Variants in TTC29 observed in about 807,000 individuals in gnomAD.
The protein encoded by TTC29 is tetratricopeptide repeat domain 29.
A neutral mutation model predicts 58.1 loss-of-function variants in TTC29; 49 were observed. That is an observed-to-expected ratio of 0.84 (90% CI 0.67 to 1.07). The LOEUF (loss-of-function observed/expected upper bound fraction) is 1.07, where lower values mean the gene tolerates loss of function less well. TTC29 is among the 50% of genes least tolerant of loss of function. TTC29 has a pLI of 0.00. For missense variants in TTC29, 582 were observed against 555.6 expected (o/e 1.05, Z -0.48); for synonymous variants, 209 against 196.8 (o/e 1.06, Z -0.52).
intron 11 of TTC29, among the ~76,000 whole-genome samples, chr4:146,798,818 C>T (rs1038353436): frequency 3.1e-5 from 4 of 129,742 alleles, no homozygotes; most frequent in South Asian, 2.6e-4. Flanking sequence ...ACCTGGGAGA[C>T]GGAGCTTGTA....
At chr4:146,799,324 A>C (rs1750047495) in intron 11 of TTC29, among the ~76,000 whole-genome samples, 1 of 152,258 alleles carries the variant, frequency 6.6e-6, no homozygotes, top group African/African-American at 2.4e-5. Context: ...AATAACCAAC[A>C]GAAGTAGCTG....
chr4:146,723,581 A>G (rs1743544163), intron 11 of TTC29, among the ~76,000 whole-genome samples: 1 of 152,226 alleles, frequency 6.6e-6, no homozygotes, highest in Non-Finnish European at 1.5e-5. Flanking sequence ...ACATGAACAG[A>G]CACTTCTCAA....
chr4:146,795,991 T>C (rs186259192), intron 11 of TTC29, among the ~76,000 whole-genome samples: 37 of 152,326 alleles, frequency 2.4e-4, no homozygotes, highest in Admixed American at 1.2e-3. Context: ...CAACTCTTCC[T>C]TTCTACTGAT....
At chr4:146,792,885 C>T (rs1356669000) in intron 11 of TTC29, among the ~76,000 whole-genome samples, 23 of 152,076 alleles carry the variant, frequency 1.5e-4, no homozygotes, top group Non-Finnish European at 2.9e-5. Context: ...TTGATTGCAG[C>T]GCTCATGGAT....
At chr4:146,805,889 C>T (rs1750576250) in intron 10 of TTC29, among the ~76,000 whole-genome samples, 1 of 151,730 alleles carries the variant, frequency 6.6e-6, no homozygotes. Context: ...ACAGAGAACA[C>T]CACAAAACTC....
intron 11 of TTC29, among the ~76,000 whole-genome samples, chr4:146,717,241 A>G (rs1223384564): frequency 3.3e-5 from 5 of 152,150 alleles, no homozygotes; most frequent in Non-Finnish European, 5.9e-5. Flanking sequence ...ATATTTTGTA[A>G]TAGGGAATAT....
intron 4 of TTC29, among the ~76,000 whole-genome samples, chr4:146,928,942 C>A (rs533048750): frequency 6.6e-6 from 1 of 152,090 alleles, no homozygotes; most frequent in South Asian, 2.1e-4. Flanking sequence ...TTATTCTGAC[C>A]AAATAACTTT....
chr4:146,712,005 CAATA>C (rs541582442), intron 11 of TTC29, among the ~76,000 whole-genome samples: 9 of 151,738 alleles, frequency 5.9e-5, no homozygotes, highest in South Asian at 2.1e-4. Flanking sequence ...AAATCCCTTC[CAATA>C]AATAAATAAA....
chr4:146,863,226 TTGCAGTTTGCAAAAATA>T (rs1351596427), intron 8 of TTC29, among the ~76,000 whole-genome samples: 1 of 152,210 alleles, frequency 6.6e-6, no homozygotes, highest in Admixed American at 6.5e-5. Flanking sequence ...TCCCAGGATT[TTGCAGTTTGCAAAAATA>T]TGCAGTTTGC....
chr4:146,791,616 A>G (rs942571014), intron 11 of TTC29, among the ~76,000 whole-genome samples: 12 of 152,206 alleles, frequency 7.9e-5, no homozygotes, highest in Admixed American at 3.3e-4. Context: ...CTAAGTGTTC[A>G]TGTGAAAGGA....
intron 3 of TTC29, among the ~76,000 whole-genome samples, chr4:146,938,904 G>T (rs1445831114): frequency 6.6e-6 from 1 of 152,072 alleles, no homozygotes; most frequent in African/African-American, 2.4e-5. Flanking sequence ...ATTACAAATG[G>T]CAATTTCAAA....
rs185793663 is a variant in TTC29 at position 146,896,306 on chromosome 4, G to T, written c.586+7238C>A. On this transcript the variant is annotated intron_variant, in intron 6 of 12. Coordinates refer to ENST00000325106, the MANE Select transcript of TTC29 (RefSeq NM_031956.4). ...GCTCTATAGCCCTCAATTCTCAACT[G>T]TACAGCATTTCAACTCTCTTTTCTC... Among the ~76,000 whole-genome samples the T allele has an allele frequency of 5.3e-5, 8 of 152,222 alleles. No homozygotes were observed. In the East Asian group the frequency reaches 1.5e-3, roughly 29 times the overall value.
chr4:146,910,370 A>C (rs1733817757), intron 4 of TTC29, among the ~76,000 whole-genome samples: 1 of 152,148 alleles, frequency 6.6e-6, no homozygotes, highest in African/African-American at 2.4e-5. Flanking sequence ...ATTCCTCATT[A>C]TGCATTAGAT....
intron 11 of TTC29, among the ~76,000 whole-genome samples, chr4:146,741,753 C>G (rs937335486): frequency 6.6e-6 from 1 of 152,140 alleles, no homozygotes; most frequent in Non-Finnish European, 1.5e-5. Flanking sequence ...TTCTCATGAG[C>G]CTTTGCCCTT....
At chr4:146,782,215 CTTTTTCTCAGTAAT>C (rs1318926697) in intron 11 of TTC29, among the ~76,000 whole-genome samples, 1 of 151,638 alleles carries the variant, frequency 6.6e-6, no homozygotes, top group East Asian at 1.9e-4. Context: ...TTTTTTCACT[CTTTTTCTCAGTAAT>C]TTTATCTTGT....
chr4:146,851,503 T>C (rs1172643394), intron 8 of TTC29, among the ~76,000 whole-genome samples: 1 of 152,140 alleles, frequency 6.6e-6, no homozygotes, highest in African/African-American at 2.4e-5. Flanking sequence ...ATTATAAGCA[T>C]CTCCCCTACC....
chr4:146,789,396 G>A (rs930039618), intron 11 of TTC29, among the ~76,000 whole-genome samples: 1 of 152,090 alleles, frequency 6.6e-6, no homozygotes, highest in Non-Finnish European at 1.5e-5. Context: ...TTCTAAGATA[G>A]GACCCTAGAG....
At chr4:146,870,774 T>C (rs1250582597) in intron 7 of TTC29, among the ~76,000 whole-genome samples, 1 of 151,932 alleles carries the variant, frequency 6.6e-6, no homozygotes, top group African/African-American at 2.4e-5. Flanking sequence ...AGATACAAAC[T>C]ACTGAAATTG....
At chr4:146,839,677 C>T (rs948104486) in intron 8 of TTC29, among the ~76,000 whole-genome samples, 3 of 151,630 alleles carry the variant, frequency 2.0e-5, no homozygotes, top group African/African-American at 7.3e-5. Context: ...ATACTCTTTC[C>T]TAGTTCATTT....
Sources: gnomAD v4.1 joint callset for allele counts (sites outside exome capture counted in the v4.1 genomes callset) on GRCh38, gnomAD v4.1.1 for gene constraint, MANE v1.5 for transcripts, NCBI Gene and HGNC (gene_info 2026-07-23, HGNC 2026-07-21) for gene names.